Variants in MACC1 observed in about 807,000 individuals in gnomAD.
The protein encoded by MACC1 is metastasis-associated in colon cancer protein 1.
A neutral mutation model predicts 70.7 loss-of-function variants in MACC1; 79 were observed. That is an observed-to-expected ratio of 1.12 (90% CI 0.93 to 1.35). MACC1 has a LOEUF of 1.35. Ranked by LOEUF, MACC1 falls within the 40% of genes most tolerant of loss-of-function variation. The probability of loss-of-function intolerance (pLI) is 0.00; values close to 1 mark genes in which losing one functional copy is unlikely to be tolerated. For missense variants in MACC1, 1,106 were observed against 978.1 expected, an observed-to-expected ratio of 1.13 and a Z score of -1.74; for synonymous variants, 361 against 347.2, an observed-to-expected ratio of 1.04 and a Z score of -0.44.
At chr7:20,189,702 A>T (rs1782643277) in intron 1 of MACC1, among the ~76,000 whole-genome samples, 1 of 151,792 alleles carries the variant, frequency 6.6e-6, no homozygotes, top group African/African-American at 2.4e-5. Flanking sequence ...AGGAGAAAAA[A>T]TGGGGAAAAG....
chr7:20,178,681 C>A (rs1416617184), intron 1 of MACC1, among the ~76,000 whole-genome samples: 1 of 152,176 alleles, frequency 6.6e-6, no homozygotes, highest in Non-Finnish European at 1.5e-5. Flanking sequence ...CTCACCGCAA[C>A]CTCTGCCTCC....
intron 1 of MACC1, among the ~76,000 whole-genome samples, chr7:20,216,707 G>A (rs1783076022): frequency 6.6e-6 from 1 of 152,098 alleles, no homozygotes; most frequent in Non-Finnish European, 1.5e-5. Flanking sequence ...TCAGTACAAT[G>A]CACTGTGCTA....
At chr7:20,192,505 T>C (rs1480670204) in intron 1 of MACC1, among the ~76,000 whole-genome samples, 1 of 152,070 alleles carries the variant, frequency 6.6e-6, no homozygotes, top group Non-Finnish European at 1.5e-5. Flanking sequence ...AGTCATCCCC[T>C]CCCAAGTGCC....
chr7:20,182,663 G>T (rs1282686630), intron 1 of MACC1, among the ~76,000 whole-genome samples: 1 of 151,992 alleles, frequency 6.6e-6, no homozygotes, highest in East Asian at 1.9e-4. Flanking sequence ...TCTTGCTACC[G>T]TCCAAGACCA....
intron 6 of MACC1, among the ~76,000 whole-genome samples, chr7:20,153,033 T>C (rs1378936414): frequency 1.3e-5 from 2 of 152,234 alleles, no homozygotes; most frequent in African/African-American, 2.4e-5. Context: ...CCAAATGCTA[T>C]ATTATGCTTA....
Position 20,164,249 on chromosome 7 carries a change from A to T in MACC1, c.-9+7T>A, listed in dbSNP as rs978608802. ...ACCACGCCCGGCCCAGTTACTTTAA[A>T]CCTTACTTTTTGTTCTCCTTTGTGT... is the stretch of plus-strand genomic sequence containing the variant. On this transcript the variant is annotated splice_region_variant and intron_variant, in intron 3 of 6. Coordinates refer to ENST00000400331, the MANE Select transcript of MACC1 (RefSeq NM_182762.4). The T allele has an allele frequency of 3.9e-5, 6 of 152,144 alleles. No individual in the cohort carries two copies. The highest frequency in any genetic ancestry group is 1.3e-4 in the Admixed American group (2 of 15,260). The allele number at this position is 152,144 out of a possible 1,614,324, so 9.4% of individuals were successfully genotyped here.
rs1781719970 is a variant in MACC1 at position 20,136,549 on chromosome 7, G to A, written c.*4397C>T. The A allele has an allele frequency of 6.6e-6, 1 of 152,200 alleles. No individual in the cohort carries two copies. The highest frequency in any genetic ancestry group is 2.4e-5 in the African/African-American group (1 of 41,458). 9.4% of individuals were successfully genotyped at this position (152,200 alleles called of 1,614,324 possible). Reference sequence around the variant, plus strand: ...ATCAGATACATTTCAGATGCTGTATGTGTACAAATTCAACTTTCCTATGTA... The same window carrying A: ...ATCAGATACATTTCAGATGCTGTATATGTACAAATTCAACTTTCCTATGTA... On this transcript the variant is annotated 3_prime_UTR_variant, in exon 7 of 7. Coordinates refer to ENST00000400331, the MANE Select transcript of MACC1 (RefSeq NM_182762.4).
At chr7:20,187,627 T>C (rs1300449048) in intron 1 of MACC1, among the ~76,000 whole-genome samples, 1 of 152,212 alleles carries the variant, frequency 6.6e-6, no homozygotes, top group African/African-American at 2.4e-5. Context: ...TTGAACACTC[T>C]GCCCAATTAT....
At chr7:20,164,432 T>C (rs1361255252) in intron 2 of MACC1, 33 bp from the exon 3 acceptor site, 1 of 151,490 alleles carries the variant, frequency 6.6e-6, no homozygotes, top group African/African-American at 2.4e-5. Context: ...TAAAACAAGA[T>C]GGAAAACAGG....
At chr7:20,208,362 C>G (rs1782945136) in intron 1 of MACC1, among the ~76,000 whole-genome samples, 1 of 152,156 alleles carries the variant, frequency 6.6e-6, no homozygotes, top group Non-Finnish European at 1.5e-5. Context: ...GTCTTAGAGA[C>G]TTGCTGAATG....
chr7:20,167,445 C>T (rs919364324), intron 2 of MACC1, among the ~76,000 whole-genome samples: 1 of 151,902 alleles, frequency 6.6e-6, no homozygotes, highest in Non-Finnish European at 1.5e-5. Flanking sequence ...ATCTGCCTGC[C>T]TTGGCCTCCC....
intron 1 of MACC1, among the ~76,000 whole-genome samples, chr7:20,188,817 T>C (rs1455112897): frequency 6.6e-6 from 1 of 152,248 alleles, no homozygotes; most frequent in African/African-American, 2.4e-5. Context: ...TGTCTCCTCC[T>C]TAAAATAGTC....
intron 6 of MACC1, among the ~76,000 whole-genome samples, chr7:20,144,798 C>T (rs4721885): frequency 0.36 from 54,747 of 151,720 alleles, 10,809 homozygotes; most frequent in East Asian, 0.82. Context: ...CACATGAGAG[C>T]AGAAGAAAAC....
intron 1 of MACC1, among the ~76,000 whole-genome samples, chr7:20,210,435 G>A (rs556926809): frequency 7.2e-5 from 11 of 152,042 alleles, no homozygotes; most frequent in South Asian, 2.1e-4. Context: ...CACTTTCATC[G>A]CACTATGACC....
intron 6 of MACC1, chr7:20,150,633 T>C (rs1185242741): frequency 6.6e-6 from 1 of 152,224 alleles, no homozygotes; most frequent in Non-Finnish European, 1.5e-5. Flanking sequence ...TTAGGAACAT[T>C]GACTTCGCTG....
intron 1 of MACC1, among the ~76,000 whole-genome samples, chr7:20,174,082 G>A (rs892033549): frequency 6.6e-6 from 1 of 152,196 alleles, no homozygotes. Context: ...ATCTGAGGTT[G>A]CCTGAATCAC....
At chr7:20,207,129 AT>A (rs1232864360) in intron 1 of MACC1, among the ~76,000 whole-genome samples, 1 of 150,924 alleles carries the variant, frequency 6.6e-6, no homozygotes, top group Non-Finnish European at 1.5e-5. Context: ...AATTCAATCC[AT>A]TGTTAACTTT....
At chr7:20,144,340 T>G (rs1040514699) in intron 6 of MACC1, among the ~76,000 whole-genome samples, 3 of 152,148 alleles carry the variant, frequency 2.0e-5, no homozygotes, top group African/African-American at 7.2e-5. Flanking sequence ...AACTCAAAAA[T>G]TACTTGCATA....
intron 1 of MACC1, among the ~76,000 whole-genome samples, chr7:20,204,658 T>G (rs1017613303): frequency 5.3e-5 from 8 of 152,196 alleles, no homozygotes; most frequent in African/African-American, 1.9e-4. Context: ...TTTATATTTT[T>G]TGGTTAGGTG....
Sources: allele counts gnomAD v4.1 joint callset (sites outside exome capture counted in the v4.1 genomes callset), GRCh38; gene constraint gnomAD v4.1.1; transcripts MANE v1.5; gene names NCBI Gene and HGNC (gene_info 2026-07-23, HGNC 2026-07-21).